The following SEMA3A variants were observed in gnomAD, a reference collection of about 807,000 sequenced individuals.
The protein encoded by SEMA3A is semaphorin-3A.
Under a neutral mutation model 97.9 loss-of-function variants are expected in SEMA3A, and 29 were observed. The ratio of observed to expected loss-of-function variants is 0.30; its 90% CI spans 0.22 to 0.40. SEMA3A has a LOEUF of 0.40. Among genes scored for constraint, SEMA3A ranks in the 10% least tolerant of loss-of-function variants. The pLI is 1.00. For synonymous variants in SEMA3A, 321 were observed against 323.7 expected, an observed-to-expected ratio of 0.99 and a Z score of 0.09; for missense variants, 763 against 951.3, an observed-to-expected ratio of 0.80 and a Z score of 2.60.
intron 3 of SEMA3A, among the ~76,000 whole-genome samples, chr7:84,112,481 G>A (rs1262263474): frequency 2.0e-5 from 3 of 152,078 alleles, no homozygotes; most frequent in Non-Finnish European, 4.4e-5. Context: ...TCACCTAAGT[G>A]CCTCCTTAGA....
intron 12 of SEMA3A, 71 bp from the exon 13 acceptor site, chr7:83,985,548 A>T (rs2116330045): frequency 8.3e-7 from 1 of 1,200,258 alleles, no homozygotes; most frequent in Non-Finnish European, 1.2e-6. Context: ...AATTAACTCA[A>T]GGCACTGCCA....
chr7:84,036,881 T>G (rs529023303), intron 6 of SEMA3A, among the ~76,000 whole-genome samples: 1 of 152,198 alleles, frequency 6.6e-6, no homozygotes, highest in East Asian at 1.9e-4. Context: ...TATAAAAAAG[T>G]CCTTAAGTAT....
At chr7:84,334,830 G>GA (rs1392601674) in intron 2 of SEMA3A, among the ~76,000 whole-genome samples, 14 of 147,348 alleles carry the variant, frequency 9.5e-5, no homozygotes, top group Non-Finnish European at 1.9e-4. Flanking sequence ...TCCCCTCCTG[G>GA]TCCTGCTCCC....
At chr7:83,991,385 C>T (rs7777420) in intron 12 of SEMA3A, among the ~76,000 whole-genome samples, 23,690 of 151,270 alleles carry the variant, frequency 0.16, 2,177 homozygotes, top group Non-Finnish European at 0.21. Context: ...AGAGGGCATC[C>T]CTGTCTTGTG....
intron 4 of SEMA3A, among the ~76,000 whole-genome samples, chr7:84,068,190 G>A (rs1368474475): frequency 4.9e-5 from 7 of 143,452 alleles, no homozygotes; most frequent in South Asian, 2.3e-4. Flanking sequence ...ACCAAACACC[G>A]CATATTCTCA....
At chr7:84,343,130 AGTAAATTTT>A (rs1223941679) in intron 2 of SEMA3A, among the ~76,000 whole-genome samples, 1 of 152,230 alleles carries the variant, frequency 6.6e-6, no homozygotes, top group Non-Finnish European at 1.5e-5. Flanking sequence ...AGAGCATTTT[AGTAAATTTT>A]GCATGAATGA....
At chr7:84,064,246 C>A (rs866839399) in intron 4 of SEMA3A, among the ~76,000 whole-genome samples, 1 of 151,936 alleles carries the variant, frequency 6.6e-6, no homozygotes, top group African/African-American at 2.4e-5. Context: ...ACCAGGCCTG[C>A]CCTAAAAGAG....
chr7:84,311,257 C>T (rs945445077), intron 2 of SEMA3A, among the ~76,000 whole-genome samples: 18 of 151,946 alleles, frequency 1.2e-4, no homozygotes, highest in African/African-American at 4.3e-4. Context: ...CTTCCATATC[C>T]TCAGTGAATA....
chr7:84,306,974 C>T (rs1163921502), intron 3 of SEMA3A, among the ~76,000 whole-genome samples: 1 of 151,942 alleles, frequency 6.6e-6, no homozygotes, highest in East Asian at 1.9e-4. Context: ...TGGTAGCAAT[C>T]CACCTCTTGA....
intron 3 of SEMA3A, among the ~76,000 whole-genome samples, chr7:84,124,322 G>GT (rs1247881691): frequency 1.6e-4 from 25 of 152,174 alleles, no homozygotes; most frequent in African/African-American, 6.0e-4. Context: ...GTAGGAAATG[G>GT]TAAGTGCAGG....
chr7:84,005,532 A>G lies in SEMA3A; in HGVS notation c.1167T>C (p.Phe389=). 1 of 1,613,494 alleles carries G rather than the reference A, an allele frequency of 6.2e-7. No homozygotes were observed. Among genetic ancestry groups the G allele is most frequent in the Non-Finnish European group, 8.5e-7 (1 of 1,179,490 alleles). Residue 389 remains phenylalanine, a synonymous_variant, in exon 11 of 17, where the codon TTT becomes TTC. Transcript: ENST00000265362. ...CATCAGGAAGGTCCTTTGTAGAGTC[A>G]AAACCACCAAATGTTTTGCTGGGAC... ...GTCPSKTFGG[F]DSTKDLPDDV... is the part of the protein sequence containing the mutation.
chr7:84,404,473 G>T (rs1004442936), intron 1 of SEMA3A, among the ~76,000 whole-genome samples: 11 of 152,294 alleles, frequency 7.2e-5, no homozygotes, highest in African/African-American at 2.4e-4. Flanking sequence ...ACACTCTGCA[G>T]GATATTATCC....
At chr7:84,475,726 A>G (rs1425349935) in intron 1 of SEMA3A, among the ~76,000 whole-genome samples, 1 of 152,196 alleles carries the variant, frequency 6.6e-6, no homozygotes, top group Non-Finnish European at 1.5e-5. Context: ...GTACAGGAAT[A>G]TGGGTTTACT....
intron 5 of SEMA3A, among the ~76,000 whole-genome samples, chr7:84,055,068 T>A (rs1027125759): frequency 6.6e-6 from 1 of 151,980 alleles, no homozygotes; most frequent in African/African-American, 2.4e-5. Flanking sequence ...CGTTCTCAGA[T>A]CTCCAGCTGC....
intron 1 of SEMA3A, among the ~76,000 whole-genome samples, chr7:84,385,787 A>T (rs998859125): frequency 1.3e-5 from 2 of 152,132 alleles, no homozygotes; most frequent in African/African-American, 4.8e-5. Context: ...ATCTGTAAAG[A>T]CCTTTTCACT....
intron 2 of SEMA3A, among the ~76,000 whole-genome samples, chr7:84,312,939 C>CAA: frequency 7.9e-6 from 1 of 126,808 alleles, no homozygotes; most frequent in African/African-American, 3.1e-5. Flanking sequence ...CACACACACA[C>CAA]ACACGTACAC....
At chr7:84,391,780 G>T (rs1387837461) in intron 1 of SEMA3A, among the ~76,000 whole-genome samples, 1 of 152,022 alleles carries the variant, frequency 6.6e-6, no homozygotes, top group Non-Finnish European at 1.5e-5. Flanking sequence ...AGACCAGCTT[G>T]AGCAACATGG....
rs565458583 is a variant in SEMA3A at position 83,983,234 on chromosome 7, TTTC to T, written c.1495-1759_1495-1757del. 5.1e-3 allele frequency among the ~76,000 whole-genome samples: 782 copies of T among 151,992 alleles called. 2 individuals carry two copies. The highest frequency in any genetic ancestry group is 9.5e-3 in the Non-Finnish European group (644 of 67,918). On this transcript the variant is annotated intron_variant, in intron 13 of 16. Coordinates refer to ENST00000265362, the MANE Select transcript of SEMA3A (RefSeq NM_006080.3). ...CTTTCCTTTTCTTTTTCTTTCTTTC[TTTC>T]TTTTCTTTCTCTTCTTTCTTTCTTT...
At chr7:84,178,031 A>C (rs1466143007) in intron 1 of SEMA3A, among the ~76,000 whole-genome samples, 7 of 152,174 alleles carry the variant, frequency 4.6e-5, no homozygotes, top group Non-Finnish European at 2.9e-5. Flanking sequence ...GTAATTCATC[A>C]AATGTAGCCA....
Sources: allele counts gnomAD v4.1 joint callset (sites outside exome capture counted in the v4.1 genomes callset), GRCh38; gene constraint gnomAD v4.1.1; transcripts MANE v1.5; gene names NCBI Gene and HGNC (gene_info 2026-07-23, HGNC 2026-07-21).